Variants in NRXN1 observed in about 807,000 individuals in gnomAD.
NRXN1 encodes neurexin-1.
Under a neutral mutation model 150.9 loss-of-function variants are expected in NRXN1, and 39 were observed. The observed-to-expected ratio is 0.26, with a 90% CI of 0.20 to 0.34. The LOEUF (loss-of-function observed/expected upper bound fraction) is 0.34. Ranked by LOEUF, NRXN1 falls within the 10% of genes least tolerant of loss-of-function variation. NRXN1 has a pLI of 1.00. For missense variants in NRXN1, 1,815 were observed against 1,949.9 expected (o/e 0.93, Z 1.30); for synonymous variants, 924 against 757.0 (o/e 1.22, Z -3.62).
intron 17 of NRXN1, among the ~76,000 whole-genome samples, chr2:50,429,623 AACTC>A (rs1459438971): frequency 6.6e-6 from 1 of 152,244 alleles, no homozygotes; most frequent in African/African-American, 2.4e-5. Flanking sequence ...GATCAAGAGT[AACTC>A]ACACAAAATC....
At chr2:50,458,941 A>C (rs573904398) in intron 17 of NRXN1, among the ~76,000 whole-genome samples, 62 of 152,230 alleles carry the variant, frequency 4.1e-4, no homozygotes, top group African/African-American at 1.5e-3. Flanking sequence ...AAGTAATCAG[A>C]TATTTTTGGA....
chr2:50,786,228 G>C (rs10187627), intron 5 of NRXN1, among the ~76,000 whole-genome samples: 1 of 152,054 alleles, frequency 6.6e-6, no homozygotes, highest in African/African-American at 2.4e-5. Flanking sequence ...TGCACATAAT[G>C]AGGGCCATCT....
intron 17 of NRXN1, among the ~76,000 whole-genome samples, chr2:50,309,043 A>T (rs561358378): frequency 6.6e-6 from 1 of 152,270 alleles, no homozygotes; most frequent in South Asian, 2.1e-4. Flanking sequence ...ACATAAAGGG[A>T]TCTCTCAAGA....
chr2:50,769,090 C>G (rs2105436524), intron 5 of NRXN1, among the ~76,000 whole-genome samples: 1 of 152,170 alleles, frequency 6.6e-6, no homozygotes, highest in African/African-American at 2.4e-5. Flanking sequence ...GTAAATTGTT[C>G]CTTATACATC....
rs117052731 is a variant in NRXN1 at position 50,411,067 on chromosome 2, C to T, written c.3364+54375G>A. On this transcript the variant is annotated intron_variant, in intron 17 of 22. Coordinates refer to ENST00000401669, the MANE Select transcript of NRXN1 (RefSeq NM_001330078.2). ...CCCCCTCCCCGTCCCTCTCCCTCTC[C>T]TCTTTGCATGGTCTCCCTCTGATGC... Among the ~76,000 whole-genome samples, 1,215 of 151,824 alleles carry T rather than the reference C, an allele frequency of 8.0e-3. 39 individuals are homozygous for T. The East Asian group carries it at 0.11, about 14-fold the overall frequency.
chr2:50,601,617 A>C (rs934611428), intron 8 of NRXN1, among the ~76,000 whole-genome samples: 1 of 152,194 alleles, frequency 6.6e-6, no homozygotes, highest in Non-Finnish European at 1.5e-5. Context: ...CTGAAATTTG[A>C]AATTAACCTG....
At chr2:50,865,042 G>A (rs959378521) in intron 5 of NRXN1, among the ~76,000 whole-genome samples, 38 of 151,848 alleles carry the variant, frequency 2.5e-4, no homozygotes, top group African/African-American at 8.9e-4. Context: ...ATGTATAAGA[G>A]GAAAAGAGTG....
intron 5 of NRXN1, among the ~76,000 whole-genome samples, chr2:50,665,746 T>C (rs1687932411): frequency 6.6e-6 from 1 of 151,916 alleles, no homozygotes; most frequent in Non-Finnish European, 1.5e-5. Context: ...TTGAATCAAC[T>C]AAAAAACACA....
chr2:50,919,970 G>C (rs1177152802), intron 5 of NRXN1: 1 of 371,180 alleles, frequency 2.7e-6, no homozygotes, highest in Non-Finnish European at 5.9e-6. Flanking sequence ...AGTCATGATT[G>C]TATTTCTGCT....
chr2:51,012,222 C>A (rs1243511601), intron 2 of NRXN1, among the ~76,000 whole-genome samples: 5 of 151,900 alleles, frequency 3.3e-5, no homozygotes, highest in Non-Finnish European at 5.9e-5. Flanking sequence ...AATCTAAAGT[C>A]TTTTTTTAAA....
At chr2:50,243,212 G>A (rs961555667) in intron 17 of NRXN1, among the ~76,000 whole-genome samples, 2 of 151,390 alleles carry the variant, frequency 1.3e-5, no homozygotes, top group African/African-American at 4.8e-5. Context: ...ATGAGATGAT[G>A]AATATGCTAA....
At chr2:50,110,491 C>CA (rs5831088) in intron 18 of NRXN1, among the ~76,000 whole-genome samples, 2,299 of 85,404 alleles carry the variant, frequency 0.027, 97 homozygotes, top group African/African-American at 0.086. Context: ...GACTCTGTCT[C>CA]AAAAAAAAAA....
chr2:50,870,510 G>C (rs898686984), intron 5 of NRXN1, among the ~76,000 whole-genome samples: 2 of 151,872 alleles, frequency 1.3e-5, no homozygotes, highest in Non-Finnish European at 2.9e-5. Context: ...TTCCTATGTA[G>C]TCCTAATTAC....
chr2:50,833,245 TAC>T (rs1396844894), intron 5 of NRXN1, among the ~76,000 whole-genome samples: 2 of 152,176 alleles, frequency 1.3e-5, no homozygotes, highest in Admixed American at 6.5e-5. Context: ...TGCAAAATGG[TAC>T]AGTTCCTCTG....
chr2:50,156,323 T>G (rs1424468159), intron 18 of NRXN1, among the ~76,000 whole-genome samples: 2 of 151,876 alleles, frequency 1.3e-5, no homozygotes, highest in Non-Finnish European at 2.9e-5. Flanking sequence ...TAGCAAGTAA[T>G]ACAGTGTATG....
Position 50,146,306 on chromosome 2 carries a change from G to C in NRXN1, c.3547-54812C>G, listed in dbSNP as rs571235469. Among the ~76,000 whole-genome samples, 6 of 151,792 alleles carry C rather than the reference G, an allele frequency of 4.0e-5. 1 individual carries two copies. Among genetic ancestry groups the C allele is most frequent in the African/African-American group, 1.4e-4 (6 of 41,490 alleles). The stretch of plus-strand genomic sequence containing the variant: ...GGATCTAGAACTAGAAATACCATTT[G>C]ACCCAGCAATCCCATTACTGGGTAT... On this transcript the variant is annotated intron_variant, in intron 18 of 22. Transcript: ENST00000401669.
chr2:50,090,592 A>G (rs1317692282), intron 19 of NRXN1, among the ~76,000 whole-genome samples: 2 of 152,184 alleles, frequency 1.3e-5, no homozygotes, highest in African/African-American at 4.8e-5. Flanking sequence ...ACCACAAGTA[A>G]CATTGTTTAA....
chr2:50,306,967 G>A (rs2074677232), intron 17 of NRXN1, among the ~76,000 whole-genome samples: 1 of 151,906 alleles, frequency 6.6e-6, no homozygotes, highest in South Asian at 2.1e-4. Flanking sequence ...GCCCTAATAT[G>A]AGCATTTTTT....
intron 17 of NRXN1, among the ~76,000 whole-genome samples, chr2:50,415,464 C>G (rs1424551616): frequency 1.3e-5 from 2 of 152,114 alleles, no homozygotes; most frequent in Non-Finnish European, 2.9e-5. Context: ...TGATCAGAAG[C>G]TGTGATAAAG....
Sources: allele counts gnomAD v4.1 joint callset (sites outside exome capture counted in the v4.1 genomes callset), GRCh38; gene constraint gnomAD v4.1.1; transcripts MANE v1.5; gene names NCBI Gene and HGNC (gene_info 2026-07-23, HGNC 2026-07-21).